Variants in COL21A1 observed in about 807,000 individuals in gnomAD.
The protein encoded by COL21A1 is collagen alpha-1(XXI) chain.
Under a neutral mutation model 137.9 loss-of-function variants are expected in COL21A1, and 149 were observed. The ratio of observed to expected loss-of-function variants is 1.08; its 90% CI spans 0.95 to 1.24. The LOEUF is 1.24. Ranked by LOEUF, COL21A1 falls within the 50% of genes most tolerant of loss-of-function variation. The probability of loss-of-function intolerance (pLI) is 0.00; values close to 1 mark genes in which losing one functional copy is unlikely to be tolerated. For synonymous variants in COL21A1, 456 were observed against 391.5 expected (o/e 1.16, Z -1.95); for missense variants, 1,167 against 1,158.4 (o/e 1.01, Z -0.11).
intron 1 of COL21A1, among the ~76,000 whole-genome samples, chr6:56,208,413 C>G (rs958327106): frequency 2.6e-5 from 4 of 152,126 alleles, no homozygotes; most frequent in Admixed American, 1.3e-4. Flanking sequence ...CATGTGTGAA[C>G]TCCCATTCAC....
Position 56,060,019 on chromosome 6 carries a change from T to C in COL21A1, c.2607A>G (p.Lys869=). The C allele has an allele frequency of 6.3e-7, 1 of 1,594,470 alleles. No individual in the cohort carries two copies. The highest frequency in any genetic ancestry group is 1.4e-5 in the African/African-American group (1 of 73,816). ...VPGRPGVRGL[K]GLPGRNGEKG... ...TTCTTGTTGAAACTAACTGCATACC[T>C]TTTAATCCTCTGACACCTGGACGTC... The change falls in exon 28 of 30, where the codon AAA becomes AAG. Residue 869 remains lysine (K), a splice_region_variant and synonymous_variant. Coordinates refer to ENST00000244728, the MANE Select transcript of COL21A1 (RefSeq NM_030820.4).
Position 56,142,002 on chromosome 6 carries a change from A to G in COL21A1, c.1435-19T>C, listed in dbSNP as rs1327689970. On this transcript the variant is annotated intron_variant, in intron 10 of 29. Transcript: ENST00000244728. ...GATATCCCTAAAGAAAAATTTAAAA[A>G]GAAAAAAAATAATATTTCATCATAT... The G allele has an allele frequency of 2.7e-6, 4 of 1,481,398 alleles. No individual in the cohort carries two copies. The highest frequency in any genetic ancestry group is 3.6e-6 in the Non-Finnish European group (4 of 1,098,192). 91.8% of individuals were successfully genotyped at this position (1,481,398 alleles called of 1,614,324 possible). A position where few individuals can be genotyped will look rare whatever the true frequency, so the allele number is the denominator to read the frequency against.
rs146360226 is a variant in COL21A1 at position 56,385,110 on chromosome 6, G to A, written c.-39+8861C>T. On this transcript the variant is annotated intron_variant, in intron 1 of 28. Coordinates refer to the COL21A1 transcript ENST00000370819. ...GGGTAGCACCGCCAACAGGAGTGAC[G>A]TGTTAGACTCGTGGAGAGGTTAGTA... is the stretch of plus-strand genomic sequence containing the variant. 2.9e-3 allele frequency among the ~76,000 whole-genome samples: 442 copies of A among 152,348 alleles called. 2 individuals carry two copies. Among genetic ancestry groups the A allele is most frequent in the African/African-American group, 9.1e-3 (380 of 41,590 alleles).
At chr6:56,070,857 G>A in intron 20 of COL21A1, 59 bp from the exon 21 acceptor site, 1 of 1,231,346 alleles carries the variant, frequency 8.1e-7, no homozygotes, top group South Asian at 1.4e-5. Context: ...TAATATATCT[G>A]ATATAGACAC....
At chr6:56,086,336 G>A (rs79759716) in intron 17 of COL21A1, among the ~76,000 whole-genome samples, 10,191 of 151,920 alleles carry the variant, frequency 0.067, 402 homozygotes, top group Admixed American at 0.11. Flanking sequence ...GAAAATCCAC[G>A]GTTAAATTTT....
At chr6:56,208,695 G>A (rs181296005) in intron 1 of COL21A1, among the ~76,000 whole-genome samples, 37 of 152,032 alleles carry the variant, frequency 2.4e-4, no homozygotes, top group African/African-American at 8.2e-4. Context: ...TATGGAAACC[G>A]AAAAAGAGCC....
chr6:56,075,188 T>G (rs543511038), intron 19 of COL21A1, among the ~76,000 whole-genome samples: 2 of 151,468 alleles, frequency 1.3e-5, no homozygotes, highest in Admixed American at 1.3e-4. Flanking sequence ...TTAATGGTAC[T>G]TAGTATTTTT....
At chr6:56,097,698 A>G (rs1161644244) in intron 17 of COL21A1, among the ~76,000 whole-genome samples, 1 of 143,916 alleles carries the variant, frequency 6.9e-6, no homozygotes, top group African/African-American at 2.6e-5. Context: ...AAACTGAGAA[A>G]CAAGCAGCCA....
intron 2 of COL21A1, 32 bp downstream of exon 2, chr6:56,182,499 T>A (rs367742722): frequency 7.3e-5 from 102 of 1,402,686 alleles, no homozygotes; most frequent in Middle Eastern, 5.3e-4. Context: ...AATTTGTTGA[T>A]AACAAAAAAG....
intron 1 of COL21A1, among the ~76,000 whole-genome samples, chr6:56,229,304 G>A (rs975943133): frequency 6.6e-5 from 10 of 151,960 alleles, no homozygotes; most frequent in Non-Finnish European, 1.0e-4. Flanking sequence ...CAGAACCATT[G>A]AGCCCAGGAG....
intron 16 of COL21A1, among the ~76,000 whole-genome samples, chr6:56,117,661 T>G (rs1158278690): frequency 6.6e-6 from 1 of 152,036 alleles, no homozygotes; most frequent in Admixed American, 6.6e-5. Context: ...TGGATTATTC[T>G]CGAAGACAGA....
upstream of COL21A1, among the ~76,000 whole-genome samples, chr6:56,251,242 A>C (rs1249413272): frequency 2.0e-5 from 3 of 152,240 alleles, no homozygotes; most frequent in Non-Finnish European, 4.4e-5. Flanking sequence ...TCTTCAAAAG[A>C]ATAAGCCTAA....
At chr6:56,304,396 G>A (rs1204126646) in intron 1 of COL21A1, among the ~76,000 whole-genome samples, 1 of 152,036 alleles carries the variant, frequency 6.6e-6, no homozygotes, top group Admixed American at 6.5e-5. Context: ...ATTAATTATT[G>A]CCTCAATTTC....
chr6:56,177,655 C>T (rs1227426592), intron 3 of COL21A1, among the ~76,000 whole-genome samples: 4 of 151,438 alleles, frequency 2.6e-5, no homozygotes, highest in South Asian at 2.1e-4. Context: ...ATTAGCCGGG[C>T]GTGGTGGGCG....
At chr6:56,328,302 T>TA (rs1372435565) in intron 1 of COL21A1, among the ~76,000 whole-genome samples, 55 of 152,072 alleles carry the variant, frequency 3.6e-4, no homozygotes, top group Admixed American at 6.6e-4. Flanking sequence ...TCAAATTTGA[T>TA]AATACAATAT....
intron 1 of COL21A1, among the ~76,000 whole-genome samples, chr6:56,260,557 G>A (rs1363339391): frequency 7.9e-6 from 1 of 127,026 alleles, no homozygotes. Flanking sequence ...CTGGGTGACA[G>A]AACAAGACTC....
rs529025869 is a variant in COL21A1 at position 56,330,503 on chromosome 6, A to G, written c.-39+63468T>C. On this transcript the variant is annotated intron_variant, in intron 1 of 28. Coordinates refer to the COL21A1 transcript ENST00000370819. ...ACTCCTCTGATATAAAGCCAAATAC[A>G]AATGTTTTAGTTATATTTTTATGGA... Among the ~76,000 whole-genome samples, 303 of 152,202 alleles carry G rather than the reference A, an allele frequency of 2.0e-3. 1 individual carries two copies. Among genetic ancestry groups the G allele is most frequent in the African/African-American group, 6.9e-3 (288 of 41,546 alleles).
intron 19 of COL21A1, among the ~76,000 whole-genome samples, chr6:56,075,223 T>C (rs912107060): frequency 3.3e-5 from 5 of 151,502 alleles, no homozygotes; most frequent in Admixed American, 6.6e-5. Flanking sequence ...AATACATGTT[T>C]TCTAATTTAT....
Position 56,179,787 on chromosome 6 carries a change from T to C in COL21A1, c.431A>G (p.Asp144Gly). The change falls in exon 3 of 30, where the codon GAT (aspartate) becomes GGT (glycine). Residue 144 changes from aspartate to glycine, a missense_variant. Transcript: ENST00000244728. The stretch of plus-strand genomic sequence containing the variant: ...CTTGACGTCATCTTGGGATTTGCCA[T>C]CCGTAAGTACCACTGCTATCTTAGT... ...FLTKIAVVLT[D>G]GKSQDDVKDA... 1 of 1,613,896 alleles carries C rather than the reference T, an allele frequency of 6.2e-7. No individual in the cohort carries two copies. Among genetic ancestry groups the C allele is most frequent in the Non-Finnish European group, 8.5e-7 (1 of 1,179,798 alleles).
Sources: gnomAD v4.1 joint callset for allele counts (sites outside exome capture counted in the v4.1 genomes callset) on GRCh38, gnomAD v4.1.1 for gene constraint, MANE v1.5 for transcripts, NCBI Gene and HGNC (gene_info 2026-07-23, HGNC 2026-07-21) for gene names.